Variants in BTNL9 observed in about 807,000 individuals in gnomAD.
BTNL9 encodes butyrophilin-like protein 9.
A neutral mutation model predicts 45.8 loss-of-function variants in BTNL9; 45 were observed. That is an observed-to-expected ratio of 0.98 (90% CI 0.77 to 1.26). The LOEUF is 1.26. Among genes scored for constraint, BTNL9 ranks in the 50% most tolerant of loss-of-function variants. The pLI is 0.00. For synonymous variants in BTNL9, 346 were observed against 330.8 expected (o/e 1.05, Z -0.50); for missense variants, 784 against 729.7 (o/e 1.07, Z -0.86).
rs1208916263 is a variant in BTNL9 at position 181,047,958 on chromosome 5, C to G, written c.141C>G (p.Ile47Met). ...EVKVLGPEYPILALVGEEVEF... is the reference protein window; with the variant it reads ...EVKVLGPEYPMLALVGEEVEF... ...AGGTGCTAGGCCCTGAGTATCCCATCCTGGCCCTCGTCGGGGAGGAGGTGG... is the reference window on the plus strand; with the variant it reads ...AGGTGCTAGGCCCTGAGTATCCCATGCTGGCCCTCGTCGGGGAGGAGGTGG... Residue 47 changes from isoleucine (I) to methionine (M), a missense_variant, in exon 3 of 11, where the codon ATC becomes ATG. By Grantham distance (10) the Ile-to-Met change is conservative (BLOSUM62 1). Transcript: ENST00000327705. The G allele has an allele frequency of 5.0e-6, 8 of 1,613,878 alleles. No homozygotes were observed. The highest frequency in any genetic ancestry group is 1.7e-4 in the Middle Eastern group (1 of 6,010).
rs1324011668 is a variant in BTNL9, at chr5:181,058,332, C to A, written c.956-20C>A. 2 of 1,613,898 alleles carry A rather than the reference C, an allele frequency of 1.2e-6. No homozygotes were observed. Among genetic ancestry groups the A allele is most frequent in the Non-Finnish European group, 1.7e-6 (2 of 1,179,948 alleles). The stretch of plus-strand genomic sequence containing the variant: ...GACTGAGATTTCTGAGCTTTTTTCC[C>A]CTTTTCTGTTTGGTTTCAGAGTGGA... On this transcript the variant is annotated intron_variant, in intron 9 of 10. Coordinates refer to ENST00000327705, the MANE Select transcript of BTNL9 (RefSeq NM_152547.5).
rs376394422 is a variant in BTNL9 at position 181,045,601 on chromosome 5, A to G, written c.109+3A>G. 2 of 1,605,696 alleles carry G rather than the reference A, an allele frequency of 1.2e-6. No individual in the cohort carries two copies. Among genetic ancestry groups the G allele is most frequent in the African/African-American group, 1.3e-5 (1 of 74,568 alleles). On this transcript the variant is annotated splice_donor_region_variant and intron_variant, in intron 2 of 10. Transcript: ENST00000327705. The stretch of plus-strand genomic sequence containing the variant: ...TCAGCCTGGGGAGCCGAGCTCAGGT[A>G]TTGTGTCTGCAGCCTAGCTGGCCAG...
rs768571152 is a variant in BTNL9, at chr5:181,050,122, C to A, written c.489C>A (p.Gly163=). 10 of 1,614,032 alleles carry A rather than the reference C, an allele frequency of 6.2e-6. No individual in the cohort carries two copies. The highest frequency in any genetic ancestry group is 7.6e-6 in the Non-Finnish European group (9 of 1,180,028). ...CAGACCCTCACCTCTCCCTTGAGGGCTTCAAGGAAGGAGGCATTCAGCTGA... is the reference window on the plus strand; with the variant it reads ...CAGACCCTCACCTCTCCCTTGAGGGATTCAAGGAAGGAGGCATTCAGCTGA... The part of the protein sequence containing the change: ...LGSDPHLSLE[G]FKEGGIQLRL... The change falls in exon 4 of 11, where the codon GGC becomes GGA. Residue 163 remains glycine, a synonymous_variant. Transcript: ENST00000327705. The surrounding 1 kb of genome is among the most constrained non-coding windows in gnomAD (Gnocchi z 4.9).
intron 9 of BTNL9, chr5:181,056,890 C>T (rs894834902): frequency 3.3e-5 from 14 of 427,924 alleles, no homozygotes; most frequent in South Asian, 6.4e-5. Flanking sequence ...GATTGAGCAT[C>T]TCTGTATATG....
In BTNL9 at chr5:181,059,986, G is replaced by A. The variant is rs748292444; in HGVS notation, c.*124G>A. On this transcript the variant is annotated 3_prime_UTR_variant, in exon 11 of 11. Transcript: ENST00000327705. ...CCAAAATGTCAGCGAGGGGGACAAAGAGAGGGACCTTTGCCTACGTAGATG... is the reference window on the plus strand; with the variant it reads ...CCAAAATGTCAGCGAGGGGGACAAAAAGAGGGACCTTTGCCTACGTAGATG... The A allele has an allele frequency of 1.4e-4, 122 of 878,714 alleles. No homozygotes were observed. Among genetic ancestry groups the A allele is most frequent in the Non-Finnish European group, 2.0e-4 (117 of 591,506 alleles). 54.4% of individuals were successfully genotyped at this position (878,714 alleles called of 1,614,324 possible).
intron 3 of BTNL9, among the ~76,000 whole-genome samples, chr5:181,049,664 C>G (rs1761426877): frequency 6.6e-6 from 1 of 152,186 alleles, no homozygotes; most frequent in Non-Finnish European, 1.5e-5. Context: ...AAATATAATG[C>G]TAGTTCCACA....
rs185389037 is a variant in BTNL9 at position 181,041,027 on chromosome 5, C to T, written c.-24+595C>T. Among the ~76,000 whole-genome samples, 73 of 152,350 alleles carry T rather than the reference C, an allele frequency of 4.8e-4. 1 individual carries two copies. The highest frequency in any genetic ancestry group is 1.8e-3 in the African/African-American group (73 of 41,586). On this transcript the variant is annotated intron_variant, in intron 1 of 10. Coordinates refer to ENST00000327705, the MANE Select transcript of BTNL9 (RefSeq NM_152547.5). ...CCACTCTGGGACCCCACAGTCTCCG[C>T]AGACATATGCAGAGCAAAAAATACT...
Position 181,059,367 on chromosome 5 carries a change from G to A in BTNL9, c.1113G>A (p.Thr371=), listed in dbSNP as rs759986379. 1.9e-6 allele frequency: 3 copies of A among 1,538,720 alleles called. No individual in the cohort carries two copies. Among genetic ancestry groups the A allele is most frequent in the Admixed American group, 2.0e-5 (1 of 50,796 alleles). ...PGHPQRFSEQ[T]CALSLERFSA... ...ACCCGCAGCGGTTCTCGGAGCAGAC[G>A]TGCGCGCTGAGCCTGGAGCGGTTCT... Residue 371 remains threonine, a synonymous_variant, in exon 11 of 11, where the codon ACG becomes ACA. Transcript: ENST00000327705.
In BTNL9 at chr5:181,059,754, G is replaced by A; in HGVS notation, c.1500G>A (p.Leu500=). The change falls in exon 11 of 11, where the codon CTG becomes CTA. Residue 500 remains leucine, a synonymous_variant. Transcript: ENST00000327705. ...ACGGCGGCGAACATCCGGATCCCCT[G>A]ACCATCTGCCCGCTGCCGGTTAGAG... is the stretch of plus-strand genomic sequence containing the variant. ...AHDGGEHPDP[L]TICPLPVRGT... 6.2e-7 allele frequency: 1 copy of A among 1,612,310 alleles called. No homozygotes were observed. The highest frequency in any genetic ancestry group is 1.1e-5 in the South Asian group (1 of 91,044).
At position 181,061,334 on chromosome 5, in the gene BTNL9, T is replaced by C. The variant is rs1316518361; in HGVS notation, c.*1472T>C. On this transcript the variant is annotated 3_prime_UTR_variant, in exon 11 of 11. Transcript: ENST00000327705. ...TTGTACTATCAATGTGGCTTTGCTG[T>C]GGGTTTGAAATTTTGCAAACTAAGA... is the stretch of plus-strand genomic sequence containing the variant. 6.6e-6 allele frequency: 1 copy of C among 152,224 alleles called. No homozygotes were observed. The highest frequency in any genetic ancestry group is 1.9e-4 in the East Asian group (1 of 5,200). 9.4% of individuals were successfully genotyped at this position (152,224 alleles called of 1,614,324 possible).
At position 181,048,111 on chromosome 5, in the gene BTNL9, G is replaced by A. The variant is rs761241837; in HGVS notation, c.294G>A (p.Pro98=). 8.1e-6 allele frequency: 13 copies of A among 1,613,486 alleles called. No individual in the cohort carries two copies. The highest frequency in any genetic ancestry group is 1.3e-5 in the African/African-American group (1 of 74,920). ...AGGAGCTCCCTGGCAGGCAGATGCC[G>A]GCGTTCCGGAACAGGACCAAGTTGG... ...EQQELPGRQM[P]AFRNRTKLVK... Residue 98 remains proline, a synonymous_variant, in exon 3 of 11, where the codon CCG becomes CCA. Transcript: ENST00000327705.
chr5:181,054,354 ACTAT>A (rs1761762663), intron 7 of BTNL9, 95 bp downstream of exon 7: 3 of 1,576,928 alleles, frequency 1.9e-6, no homozygotes, highest in South Asian at 1.2e-5. Context: ...GCGGCTGGCA[ACTAT>A]CTAATTCTAA....
At chr5:181,056,040 ACTC>A (rs1323876757) in intron 9 of BTNL9, 25 bp downstream of exon 9, 10 of 1,612,646 alleles carry the variant, frequency 6.2e-6, no homozygotes, top group South Asian at 3.3e-5. Context: ...TCTCTCTCTG[ACTC>A]CTCCTCATTT....
intron 7 of BTNL9, chr5:181,054,809 G>A (rs1323515767): frequency 2.0e-5 from 20 of 985,256 alleles, no homozygotes; most frequent in Admixed American, 6.1e-5. Flanking sequence ...AGTCTACCTC[G>A]CCCTTCAAGG....
rs1435130808 is a variant in BTNL9, at chr5:181,059,916, A to C, written c.*54A>C. The C allele has an allele frequency of 7.0e-6, 10 of 1,434,882 alleles. No individual in the cohort carries two copies. Among genetic ancestry groups the C allele is most frequent in the Non-Finnish European group, 8.3e-6 (9 of 1,079,606 alleles). 88.9% of individuals were successfully genotyped at this position (1,434,882 alleles called of 1,614,324 possible). The stretch of plus-strand genomic sequence containing the variant: ...CGGGGGGCCCCCTGGATCCCAGGCC[A>C]GCGCTTTGCTCTCCTGCTCCGTCTG... On this transcript the variant is annotated 3_prime_UTR_variant, in exon 11 of 11. Coordinates refer to ENST00000327705, the MANE Select transcript of BTNL9 (RefSeq NM_152547.5).
chr5:181,059,564 G>C lies in BTNL9; in HGVS notation c.1310G>C (p.Arg437Pro), dbSNP rs747351098. Reference sequence around the variant, plus strand: ...GAGTACTTCGTCCTGGCCCCGCACCGCGTCGCGCTCACCCTGCGCGTGCCC... The same window carrying C: ...GAGTACTTCGTCCTGGCCCCGCACCCCGTCGCGCTCACCCTGCGCGTGCCC... ...GCEYFVLAPHRVALTLRVPPR... is the reference protein window; with the variant it reads ...GCEYFVLAPHPVALTLRVPPR... Residue 437 changes from arginine to proline, a missense_variant, in exon 11 of 11, where the codon CGC (arginine) becomes CCC (proline). Physicochemically the swap from Arg to Pro is moderately radical, Grantham distance 103. Transcript: ENST00000327705. 4.3e-6 allele frequency: 7 copies of C among 1,611,556 alleles called. No individual in the cohort carries two copies. In the East Asian group the frequency reaches 1.6e-4, roughly 36 times the overall value.
At chr5:181,044,305 G>A (rs1760968708) in intron 1 of BTNL9, among the ~76,000 whole-genome samples, 1 of 152,132 alleles carries the variant, frequency 6.6e-6, no homozygotes, top group Admixed American at 6.5e-5. Context: ...GTGGCCACAG[G>A]ACACCGGAAA....
chr5:181,053,792 C>A lies in BTNL9; in HGVS notation c.886+291C>A. On this transcript the variant is annotated intron_variant, in intron 6 of 10. Coordinates refer to ENST00000327705, the MANE Select transcript of BTNL9 (RefSeq NM_152547.5). The surrounding 1 kb of genome is among the most constrained non-coding windows in gnomAD (Gnocchi z 6.5). ...TTCACATCACACTGTACAGAGGGAG[C>A]GGTGACCAGGGTCTCTGCTGCCAGC... The A allele has an allele frequency of 6.6e-7, 1 of 1,521,162 alleles. No individual in the cohort carries two copies. Among genetic ancestry groups the A allele is most frequent in the South Asian group, 1.2e-5 (1 of 82,790 alleles). 94.2% of individuals were successfully genotyped at this position (1,521,162 alleles called of 1,614,324 possible). A position where few individuals can be genotyped will look rare whatever the true frequency, so the allele number is the denominator to read the frequency against.
intron 9 of BTNL9, among the ~76,000 whole-genome samples, chr5:181,056,269 C>T (rs903544724): frequency 1.3e-5 from 2 of 152,220 alleles, no homozygotes; most frequent in Non-Finnish European, 2.9e-5. Context: ...GACTCAGACT[C>T]ATGGTTCTGG....
Sources: allele counts gnomAD v4.1 joint callset (sites outside exome capture counted in the v4.1 genomes callset), GRCh38; gene constraint gnomAD v4.1.1; non-coding constraint Gnocchi (gnomAD v3.1); transcripts MANE v1.5; gene names NCBI Gene and HGNC (gene_info 2026-07-23, HGNC 2026-07-21).